The following NAALADL2 variants were observed in gnomAD, a reference collection of about 807,000 sequenced individuals.
NAALADL2 encodes the protein N-acetylated alpha-linked acidic dipeptidase like 2.
A neutral mutation model predicts 87.2 loss-of-function variants in NAALADL2; 76 were observed. The observed-to-expected ratio is 0.87, with a 90% CI of 0.72 to 1.05. The LOEUF is 1.05. Ranked by LOEUF, NAALADL2 falls within the 50% of genes least tolerant of loss-of-function variation. NAALADL2 has a pLI of 0.00. For missense variants in NAALADL2, 1,089 were observed against 945.8 expected, an observed-to-expected ratio of 1.15 and a Z score of -1.99; for synonymous variants, 354 against 331.0, an observed-to-expected ratio of 1.07 and a Z score of -0.75.
rs567471648 is a variant in NAALADL2, at chr3:174,664,284, C to T, written c.-114-73357C>T. ...TCATAATTCTAAAGCATTTTAATAC[C>T]GAACAATTAATGGCCTTCTATTACA... On this transcript the variant is annotated intron_variant, in intron 2 of 3. Transcript: ENST00000434257. Among the ~76,000 whole-genome samples the T allele has an allele frequency of 9.9e-5, 15 of 152,154 alleles. No homozygotes were observed. In the South Asian group the frequency reaches 2.3e-3, roughly 23 times the overall value.
intron 2 of NAALADL2, among the ~76,000 whole-genome samples, chr3:175,177,209 C>T (rs73881426): frequency 0.018 from 2,725 of 152,114 alleles, 77 homozygotes; most frequent in African/African-American, 0.062. Flanking sequence ...TACTTCCCTG[C>T]TATCTCCATT....
chr3:175,375,349 T>A (rs368525204), intron 5 of NAALADL2, among the ~76,000 whole-genome samples: 1 of 152,202 alleles, frequency 6.6e-6, no homozygotes, highest in Non-Finnish European at 1.5e-5. Flanking sequence ...TGGGATTGTG[T>A]TGAATGTACA....
At chr3:174,657,028 TCTTTTC>T (rs1725012474) in intron 2 of NAALADL2, among the ~76,000 whole-genome samples, 1 of 150,308 alleles carries the variant, frequency 6.7e-6, no homozygotes, top group South Asian at 2.1e-4. Context: ...TCTCTCTTTT[TCTTTTC>T]CTTCTTCTTT....
At chr3:175,372,906 C>T (rs1047792971) in intron 5 of NAALADL2, among the ~76,000 whole-genome samples, 1 of 152,168 alleles carries the variant, frequency 6.6e-6, no homozygotes, top group Non-Finnish European at 1.5e-5. Context: ...TCATCATCTT[C>T]CCAAAGTGAA....
At chr3:174,775,511 C>G (rs1715099275) in intron 3 of NAALADL2, among the ~76,000 whole-genome samples, 2 of 152,130 alleles carry the variant, frequency 1.3e-5, no homozygotes, top group African/African-American at 4.8e-5. Context: ...TTACAAATCA[C>G]TTGTAAAACC....
chr3:175,112,831 T>A (rs1290977453), intron 2 of NAALADL2, among the ~76,000 whole-genome samples: 1 of 151,470 alleles, frequency 6.6e-6, no homozygotes, highest in East Asian at 1.9e-4. Flanking sequence ...AGCGCAAAGA[T>A]TGTAGGAGAG....
In NAALADL2 at chr3:175,792,653, C is replaced by T. The variant is rs189999176; in HGVS notation, c.2190-10352C>T. 4.0e-4 allele frequency among the ~76,000 whole-genome samples: 61 copies of T among 152,180 alleles called. No homozygotes were observed. In the East Asian group the frequency reaches 9.7e-3, roughly 24 times the overall value. On this transcript the variant is annotated intron_variant, in intron 13 of 13. Transcript: ENST00000454872. Reference sequence around the variant, plus strand: ...GTTTTTCATAACTACAGTAAGTAATCAAGTATAGTATATCTGGATATATTT... The same window carrying T: ...GTTTTTCATAACTACAGTAAGTAATTAAGTATAGTATATCTGGATATATTT...
intron 1 of NAALADL2, among the ~76,000 whole-genome samples, chr3:175,036,408 C>CTT (rs553049096): frequency 0.024 from 3,445 of 145,034 alleles, 57 homozygotes; most frequent in Non-Finnish European, 0.035. Context: ...TTTTCTTTTT[C>CTT]TTTTTTTTTG....
intron 2 of NAALADL2, among the ~76,000 whole-genome samples, chr3:174,730,170 T>G (rs986103774): frequency 2.0e-5 from 3 of 152,258 alleles, no homozygotes; most frequent in African/African-American, 7.2e-5. Context: ...AGGGATTATG[T>G]TTCCCTATGA....
At chr3:174,474,685 C>G (rs1469581070) in intron 1 of NAALADL2, among the ~76,000 whole-genome samples, 1 of 152,070 alleles carries the variant, frequency 6.6e-6, no homozygotes, top group African/African-American at 2.4e-5. Context: ...TTTAAAACGT[C>G]TTTCTTCTCA....
rs551958171 is a variant in NAALADL2, at chr3:175,046,447, A to G, written c.44-50343A>G. ...AAATCTATTGTTGTCCATATTTCCA[A>G]GTGGAGGTCTCAGACAAATAATATG... On this transcript the variant is annotated intron_variant, in intron 1 of 13. Coordinates refer to ENST00000454872, the MANE Select transcript of NAALADL2 (RefSeq NM_207015.3). 2.6e-5 allele frequency among the ~76,000 whole-genome samples: 4 copies of G among 152,252 alleles called. No homozygotes were observed. The South Asian group carries it at 8.3e-4, about 32-fold the overall frequency.
chr3:175,443,229 A>G (rs1040428078), intron 5 of NAALADL2, among the ~76,000 whole-genome samples: 4 of 152,186 alleles, frequency 2.6e-5, no homozygotes, highest in African/African-American at 9.6e-5. Context: ...ATATTTCAAA[A>G]CTAATGCAAG....
intron 4 of NAALADL2, among the ~76,000 whole-genome samples, chr3:175,312,329 T>A (rs1758481972): frequency 1.3e-5 from 2 of 152,132 alleles, no homozygotes; most frequent in Admixed American, 1.3e-4. Context: ...CAGGTTCATG[T>A]TTTTTTAAGT....
At chr3:174,700,245 T>TC (rs1553826339) in intron 2 of NAALADL2, among the ~76,000 whole-genome samples, 2,380 of 148,762 alleles carry the variant, frequency 0.016, 37 homozygotes, top group Middle Eastern at 0.027. Flanking sequence ...TTTTTTTTTT[T>TC]CAGCGTAGAA....
At chr3:175,046,625 A>T (rs569683756) in intron 1 of NAALADL2, among the ~76,000 whole-genome samples, 1 of 152,312 alleles carries the variant, frequency 6.6e-6, no homozygotes, top group East Asian at 1.9e-4. Flanking sequence ...CGACAGCAAT[A>T]AGCATACTGG....
In NAALADL2 at chr3:174,875,802, C is replaced by A. The variant is rs543078624; in HGVS notation, c.43+16352C>A. 2.6e-5 allele frequency among the ~76,000 whole-genome samples: 4 copies of A among 151,520 alleles called. No individual in the cohort carries two copies. In the South Asian group the frequency reaches 8.3e-4, roughly 32 times the overall value. On this transcript the variant is annotated intron_variant, in intron 1 of 13. Transcript: ENST00000454872. ...TCTTAAAGTAATATCTTGCTGGTAA[C>A]GATTAAGGTGGAATGTTATTTGCCT...
chr3:175,690,342 G>A (rs1436730940), intron 11 of NAALADL2, among the ~76,000 whole-genome samples: 1 of 152,056 alleles, frequency 6.6e-6, no homozygotes, highest in Middle Eastern at 3.2e-3. Context: ...GGAGAGAAAT[G>A]AAACACATCG....
chr3:175,501,786 G>C (rs1206364517), intron 9 of NAALADL2, among the ~76,000 whole-genome samples: 1 of 152,088 alleles, frequency 6.6e-6, no homozygotes, highest in African/African-American at 2.4e-5. Flanking sequence ...CTTGAATTTA[G>C]GAGAAAGGTA....
chr3:175,634,119 G>A (rs1728183425), intron 11 of NAALADL2, among the ~76,000 whole-genome samples: 1 of 151,676 alleles, frequency 6.6e-6, no homozygotes, highest in South Asian at 2.1e-4. Flanking sequence ...TTTTGCAGTG[G>A]TGTGAATAAA....
Sources: gnomAD v4.1 joint callset for allele counts (sites outside exome capture counted in the v4.1 genomes callset) on GRCh38, gnomAD v4.1.1 for gene constraint, MANE v1.5 for transcripts, NCBI Gene and HGNC (gene_info 2026-07-23, HGNC 2026-07-21) for gene names.